The following AQP11 variants were observed in gnomAD, a reference collection of about 807,000 sequenced individuals.
The protein encoded by AQP11 is aquaporin-11.
A neutral mutation model predicts 21.1 loss-of-function variants in AQP11; 20 were observed. The ratio of observed to expected loss-of-function variants is 0.95; its 90% CI spans 0.67 to 1.38. AQP11 has a LOEUF of 1.38. Among genes scored for constraint, AQP11 ranks in the 40% most tolerant of loss-of-function variants. The pLI is 0.00. For synonymous variants in AQP11, 167 were observed against 150.1 expected (o/e 1.11, Z -0.82); for missense variants, 339 against 340.4 (o/e 1.00, Z 0.03).
Position 77,590,121 on chromosome 11 carries a change from G to T in AQP11, c.129G>T (p.Val43=). Residue 43 remains valine (V), a synonymous_variant, in exon 1 of 3, where the codon GTG becomes GTT. Coordinates refer to ENST00000313578, the MANE Select transcript of AQP11 (RefSeq NM_173039.3). ...CCCGGCAGCAGCTGCACAGGCCGGT[G>T]GCCCACGCCTTCGTCCTGGAGTTTC... ...VVARQQLHRP[V]AHAFVLEFLA... The T allele has an allele frequency of 6.2e-7, 1 of 1,608,044 alleles. No individual in the cohort carries two copies.
intron 2 of AQP11, among the ~76,000 whole-genome samples, 164 bp downstream of exon 2, chr11:77,603,836 TA>T (rs1958829504): frequency 6.6e-6 from 1 of 152,204 alleles, no homozygotes; most frequent in African/African-American, 2.4e-5. Flanking sequence ...TAGTATCCTT[TA>T]AAACTGTTAA....
intron 2 of AQP11, among the ~76,000 whole-genome samples, chr11:77,607,711 C>A (rs562610110): frequency 1.3e-5 from 2 of 149,406 alleles, no homozygotes; most frequent in Non-Finnish European, 3.0e-5. Flanking sequence ...TGCAGTGAGC[C>A]GAGATCGTAC....
chr11:77,597,569 C>G (rs1313791945), intron 1 of AQP11, among the ~76,000 whole-genome samples: 1 of 151,846 alleles, frequency 6.6e-6, no homozygotes, highest in Non-Finnish European at 1.5e-5. Context: ...GAGAATCTCT[C>G]AAGAAAAGAA....
rs187047335 is a variant in AQP11, at chr11:77,608,930, G to A, written c.737-368G>A. ...AAGGAGAGTGTTACCATTTTAAAGA[G>A]GAGAAAATGAAGACCCAAGTCTAGA... On this transcript the variant is annotated intron_variant, in intron 2 of 2. Transcript: ENST00000313578. Among the ~76,000 whole-genome samples the A allele has an allele frequency of 3.4e-4, 51 of 152,220 alleles. No individual in the cohort carries two copies. In the East Asian group the frequency reaches 7.9e-3, roughly 24 times the overall value.
At chr11:77,599,988 C>G (rs1393699693) in intron 1 of AQP11, among the ~76,000 whole-genome samples, 1 of 151,732 alleles carries the variant, frequency 6.6e-6, no homozygotes, top group East Asian at 1.9e-4. Context: ...GAGACTGAGA[C>G]TTGCTCTGTT....
At position 77,603,591 on chromosome 11, in the gene AQP11, T is replaced by A; in HGVS notation, c.655T>A (p.Leu219Met). Reference sequence around the variant, plus strand: ...AACAGGAGCTGTATTTAATCCAGCTTTGGCACTTTCGCTACATTTCATGTG... The same window carrying A: ...AACAGGAGCTGTATTTAATCCAGCTATGGCACTTTCGCTACATTTCATGTG... The part of the protein sequence containing the change: ...SLTGAVFNPA[L>M]ALSLHFMCFD... Residue 219 changes from leucine (L) to methionine (M), a missense_variant, in exon 2 of 3, where the codon TTG becomes ATG. Physicochemically the swap from Leu to Met is conservative, Grantham distance 15. Transcript: ENST00000313578. 1 of 1,609,324 alleles carries A rather than the reference T, an allele frequency of 6.2e-7. No individual in the cohort carries two copies. Among genetic ancestry groups the A allele is most frequent in the Non-Finnish European group, 8.5e-7 (1 of 1,178,180 alleles).
In AQP11 at chr11:77,590,232, G is replaced by C. The variant is rs752721607; in HGVS notation, c.240G>C (p.Thr80=). 6.3e-7 allele frequency: 1 copy of C among 1,595,108 alleles called. No individual in the cohort carries two copies. Among genetic ancestry groups the C allele is most frequent in the South Asian group, 1.1e-5 (1 of 87,868 alleles). ...CCGCGCACCCCACCTGGACGCTGAC[G>C]CTCGTCTACTTCTTCTCGCTTGTGC... The part of the protein sequence containing the change: ...QHPAHPTWTL[T]LVYFFSLVHG... The change falls in exon 1 of 3, where the codon ACG becomes ACC. Residue 80 remains threonine, a synonymous_variant. Transcript: ENST00000313578.
rs997922555 is a variant in AQP11, at chr11:77,610,316, A to G, written c.*939A>G. 5.3e-5 allele frequency: 8 copies of G among 152,244 alleles called. No homozygotes were observed. Among genetic ancestry groups the G allele is most frequent in the African/African-American group, 1.9e-4 (8 of 41,464 alleles). 9.4% of individuals were successfully genotyped at this position (152,244 alleles called of 1,614,324 possible). A position where few individuals can be genotyped will look rare whatever the true frequency, so the allele number is the denominator to read the frequency against. On this transcript the variant is annotated 3_prime_UTR_variant, in exon 3 of 3. Transcript: ENST00000313578. ...AACGTTAAAACTTGTTTAGAAATTA[A>G]CTAGTATTTTTTGAGGTTTAAAGAA...
In AQP11 at chr11:77,590,291, C is replaced by G; in HGVS notation, c.299C>G (p.Pro100Arg). ...GLTLVGTSSN[P>R]CGVMMQMMLG... is the part of the protein sequence containing the mutation. ...ACTCTGGTGGGCACGTCCAGCAACCCGTGCGGCGTGATGATGCAGATGATG... is the reference window on the plus strand; with the variant it reads ...ACTCTGGTGGGCACGTCCAGCAACCGGTGCGGCGTGATGATGCAGATGATG... The change falls in exon 1 of 3, where the codon CCG (proline) becomes CGG (arginine). Residue 100 changes from proline (P) to arginine (R), a missense_variant. By Grantham distance (103) the Pro-to-Arg change is moderately radical. Transcript: ENST00000313578. 2 of 1,605,402 alleles carry G rather than the reference C, an allele frequency of 1.2e-6. No individual in the cohort carries two copies. The highest frequency in any genetic ancestry group is 1.7e-6 in the Non-Finnish European group (2 of 1,174,552).
chr11:77,605,504 C>T (rs1178882576), intron 2 of AQP11, among the ~76,000 whole-genome samples: 2 of 152,156 alleles, frequency 1.3e-5, no homozygotes, highest in African/African-American at 2.4e-5. Context: ...GCTCCGTCTC[C>T]TGTCAGATCA....
intron 1 of AQP11, among the ~76,000 whole-genome samples, chr11:77,594,575 TTATGA>T (rs1472398100): frequency 1.3e-5 from 2 of 152,252 alleles, no homozygotes; most frequent in Admixed American, 6.5e-5. Context: ...TTACAAGTTA[TTATGA>T]TATGTCTTTT....
At chr11:77,604,919 C>A (rs142690009) in intron 2 of AQP11, among the ~76,000 whole-genome samples, 1 of 152,172 alleles carries the variant, frequency 6.6e-6, no homozygotes, top group Non-Finnish European at 1.5e-5. Context: ...TTAGGCCGGG[C>A]GCAGTGGCTC....
intron 1 of AQP11, among the ~76,000 whole-genome samples, chr11:77,599,318 G>A (rs901193596): frequency 6.6e-6 from 1 of 151,908 alleles, no homozygotes. Flanking sequence ...TGTGCACAAC[G>A]TGCAGGTTTG....
chr11:77,590,752 A>C, intron 1 of AQP11, 141 bp downstream of exon 1: 1 of 1,485,966 alleles, frequency 6.7e-7, no homozygotes, highest in Non-Finnish European at 8.9e-7. Context: ...ACCATTTTGC[A>C]GCCCGTTCTT....
chr11:77,591,439 A>AAAAG, intron 1 of AQP11: 1 of 566,340 alleles, frequency 1.8e-6, no homozygotes, highest in Non-Finnish European at 2.2e-6. Flanking sequence ...TCTAAATTAT[A>AAAAG]AAAGACTGTG....
At chr11:77,594,276 T>C (rs935141129) in intron 1 of AQP11, among the ~76,000 whole-genome samples, 15 of 152,228 alleles carry the variant, frequency 9.9e-5, no homozygotes, top group African/African-American at 3.6e-4. Flanking sequence ...TGTTGCCAAA[T>C]AAATTTGGCA....
intron 1 of AQP11, among the ~76,000 whole-genome samples, chr11:77,599,937 A>C (rs967802453): frequency 6.6e-6 from 1 of 151,804 alleles, no homozygotes; most frequent in Non-Finnish European, 1.5e-5. Flanking sequence ...ACCCTACAGG[A>C]ATGATATATT....
intron 2 of AQP11, among the ~76,000 whole-genome samples, chr11:77,606,158 A>G (rs1174926661): frequency 2.6e-5 from 4 of 152,120 alleles, no homozygotes; most frequent in Non-Finnish European, 5.9e-5. Flanking sequence ...GCAACATAGC[A>G]AAACCACATC....
In AQP11 at chr11:77,591,118, TTAA is replaced by T. The variant is rs765330013; in HGVS notation, c.619+512_619+514del. 5.1e-6 allele frequency: 5 copies of T among 974,218 alleles called. No homozygotes were observed. The African/African-American group carries it at 5.3e-5, about 10-fold the overall frequency. The allele number at this position is 974,218 out of a possible 1,614,324, so 60.3% of individuals were successfully genotyped here. ...TGATTTAAAGTCATTTCTTATTTCC[TTAA>T]TAATTCATTTTGAGTTATGAAATTT... On this transcript the variant is annotated intron_variant, in intron 1 of 2. Coordinates refer to ENST00000313578, the MANE Select transcript of AQP11 (RefSeq NM_173039.3).
Sources: allele counts gnomAD v4.1 joint callset (sites outside exome capture counted in the v4.1 genomes callset), GRCh38; gene constraint gnomAD v4.1.1; transcripts MANE v1.5; gene names NCBI Gene and HGNC (gene_info 2026-07-23, HGNC 2026-07-21).